NFIA: variants seen among roughly 807,000 people sequenced by gnomAD.
The protein encoded by NFIA is nuclear factor 1 A-type.
In NFIA, 8 loss-of-function variants were observed where a neutral mutation model predicts 62.8. The observed-to-expected ratio is 0.13, with a 90% CI of 0.07 to 0.23. The LOEUF (loss-of-function observed/expected upper bound fraction) is 0.23, where lower values mean the gene tolerates loss of function less well. NFIA is among the 10% of genes least tolerant of loss of function. NFIA has a pLI of 1.00. For synonymous variants in NFIA, 235 were observed against 238.1 expected, an observed-to-expected ratio of 0.99 and a Z score of 0.12; for missense variants, 410 against 642.1, an observed-to-expected ratio of 0.64 and a Z score of 3.91.
At chr1:61,171,451 AT>A (rs1274364405) in intron 2 of NFIA, among the ~76,000 whole-genome samples, 1 of 152,164 alleles carries the variant, frequency 6.6e-6, no homozygotes, top group Admixed American at 6.5e-5. Context: ...ATGTGGTGAC[AT>A]TTTTTTCTCT....
intron 10 of NFIA, among the ~76,000 whole-genome samples, chr1:61,430,110 G>A (rs913603978): frequency 3.9e-5 from 6 of 152,136 alleles, no homozygotes; most frequent in Non-Finnish European, 5.9e-5. Flanking sequence ...TTTTTAAAAC[G>A]TGATCATTAA....
Position 61,332,701 on chromosome 1 carries a change from T to C in NFIA, c.700+115T>C, listed in dbSNP as rs1372566964. The C allele has an allele frequency of 5.4e-6, 4 of 736,000 alleles. No individual in the cohort carries two copies. In the African/African-American group the frequency reaches 5.4e-5, roughly 10 times the overall value. The allele number at this position is 736,000 out of a possible 1,614,324, so 45.6% of individuals were successfully genotyped here. A position where few individuals can be genotyped will look rare whatever the true frequency, so the allele number is the denominator to read the frequency against. On this transcript the variant is annotated intron_variant, in intron 4 of 10. Coordinates refer to ENST00000403491, the MANE Select transcript of NFIA (RefSeq NM_001134673.4). Reference sequence around the variant, plus strand: ...TCAGAATCTCCTTTTCATTCACCCATTGGAAGAATTTTGACACACAGTTTG... The same window carrying C: ...TCAGAATCTCCTTTTCATTCACCCACTGGAAGAATTTTGACACACAGTTTG...
At chr1:61,436,017 G>C (rs1667311930) in intron 10 of NFIA, among the ~76,000 whole-genome samples, 1 of 152,112 alleles carries the variant, frequency 6.6e-6, no homozygotes, top group Non-Finnish European at 1.5e-5. Flanking sequence ...TCTGTTTGAG[G>C]TCCAGGATTT....
rs146599542 is a variant in NFIA, at chr1:61,096,212, T to G, written c.559+7532T>G. Reference sequence around the variant, plus strand: ...AAATTAGTGAATTAGTGAGCTTTTTTTTGTTGTTGTTGTTGTTTGAGACGG... The same window carrying G: ...AAATTAGTGAATTAGTGAGCTTTTTGTTGTTGTTGTTGTTGTTTGAGACGG... On this transcript the variant is annotated intron_variant, in intron 2 of 10. Coordinates refer to ENST00000403491, the MANE Select transcript of NFIA (RefSeq NM_001134673.4). Among the ~76,000 whole-genome samples the G allele has an allele frequency of 1.0e-3, 153 of 152,226 alleles. 2 individuals carry two copies. Among genetic ancestry groups the G allele is most frequent in the East Asian group, 3.9e-3 (20 of 5,186 alleles).
chr1:61,448,349 A>G (rs950302711), intron 10 of NFIA, among the ~76,000 whole-genome samples: 7 of 152,112 alleles, frequency 4.6e-5, no homozygotes, highest in Non-Finnish European at 8.8e-5. Context: ...GGGGAAATGG[A>G]ATTGACGCAG....
intron 3 of NFIA, among the ~76,000 whole-genome samples, chr1:61,310,867 CT>C (rs938744649): frequency 2.8e-4 from 42 of 151,178 alleles, no homozygotes; most frequent in African/African-American, 1.0e-3. Flanking sequence ...TTTGTTGCCC[CT>C]GGCACACATG....
chr1:61,395,492 G>T (rs1665223065), intron 7 of NFIA, among the ~76,000 whole-genome samples: 1 of 152,008 alleles, frequency 6.6e-6, no homozygotes, highest in Non-Finnish European at 1.5e-5. Flanking sequence ...CCAATCTATG[G>T]TGGTTAGTTT....
intron 4 of NFIA, among the ~76,000 whole-genome samples, chr1:61,350,004 A>G (rs1183848515): frequency 1.3e-5 from 2 of 152,102 alleles, no homozygotes; most frequent in Non-Finnish European, 2.9e-5. Flanking sequence ...TAAATGCCCC[A>G]GTGGACTCTC....
Position 61,462,750 on chromosome 1 carries a change from A to G in NFIA, c.*7430A>G, listed in dbSNP as rs1442190468. On this transcript the variant is annotated 3_prime_UTR_variant, in exon 11 of 11. Coordinates refer to ENST00000403491, the MANE Select transcript of NFIA (RefSeq NM_001134673.4). ...ACTGGAAGCAAGTACTGCATTTCCT[A>G]TGCAACAAAAAAGGAAAAATAAAAA... 2.0e-5 allele frequency: 3 copies of G among 152,230 alleles called. No individual in the cohort carries two copies. Among genetic ancestry groups the G allele is most frequent in the East Asian group, 1.9e-4 (1 of 5,200 alleles). 9.4% of individuals were successfully genotyped at this position (152,230 alleles called of 1,614,324 possible).
At chr1:61,205,123 T>G (rs958907396) in intron 2 of NFIA, among the ~76,000 whole-genome samples, 6 of 152,182 alleles carry the variant, frequency 3.9e-5, no homozygotes, top group Non-Finnish European at 7.4e-5. Context: ...CTATCTCCAT[T>G]TTACAAATGA....
chr1:61,396,155 A>T (rs1043792300), intron 7 of NFIA, among the ~76,000 whole-genome samples: 3 of 152,210 alleles, frequency 2.0e-5, no homozygotes, highest in Admixed American at 6.5e-5. Flanking sequence ...AACTAAGTTA[A>T]AACCCAAGTC....
intron 1 of NFIA, among the ~76,000 whole-genome samples, chr1:61,083,562 G>A (rs1001432899): frequency 1.3e-5 from 2 of 151,782 alleles, no homozygotes; most frequent in Admixed American, 1.3e-4. Flanking sequence ...CGCGCCGGCC[G>A]GGTGGAGCCT....
At chr1:61,215,524 G>C (rs769598812) in intron 2 of NFIA, among the ~76,000 whole-genome samples, 14 of 151,958 alleles carry the variant, frequency 9.2e-5, no homozygotes, top group Non-Finnish European at 1.9e-4. Flanking sequence ...TAAAAATTCA[G>C]TTCCTTCTGT....
At chr1:61,157,287 T>C (rs180811908) in intron 2 of NFIA, among the ~76,000 whole-genome samples, 76 of 152,320 alleles carry the variant, frequency 5.0e-4, no homozygotes, top group Non-Finnish European at 8.8e-4. Flanking sequence ...ATTCATAAGT[T>C]CCTTCACTTT....
At chr1:61,185,274 C>T (rs1353722080) in intron 2 of NFIA, among the ~76,000 whole-genome samples, 1 of 152,126 alleles carries the variant, frequency 6.6e-6, no homozygotes, top group East Asian at 1.9e-4. Flanking sequence ...TAGTAGTCTT[C>T]TGAGCCCTAA....
Position 61,406,788 on chromosome 1 carries a change from C to T in NFIA, c.1420+61C>T, listed in dbSNP as rs567023991. 661 of 1,478,738 alleles carry T rather than the reference C, an allele frequency of 4.5e-4. 1 individual carries two copies. The highest frequency in any genetic ancestry group is 5.8e-4 in the Non-Finnish European group (642 of 1,102,864). The allele number at this position is 1,478,738 out of a possible 1,614,324, so 91.6% of individuals were successfully genotyped here. ...AAAGCTGTATGCACTGGAATCCACACTTAGGCTTTGTCCCTCACTGTATAG... is the reference window on the plus strand; with the variant it reads ...AAAGCTGTATGCACTGGAATCCACATTTAGGCTTTGTCCCTCACTGTATAG... On this transcript the variant is annotated intron_variant, in intron 9 of 10. Coordinates refer to ENST00000403491, the MANE Select transcript of NFIA (RefSeq NM_001134673.4).
At chr1:61,444,373 C>T (rs927958960) in intron 10 of NFIA, among the ~76,000 whole-genome samples, 4 of 152,190 alleles carry the variant, frequency 2.6e-5, no homozygotes, top group Admixed American at 2.0e-4. Context: ...CTTGGTGCTG[C>T]GTAGCCTCTG....
intron 3 of NFIA, among the ~76,000 whole-genome samples, chr1:61,318,720 A>G (rs908896712): frequency 1.3e-5 from 2 of 152,188 alleles, no homozygotes; most frequent in African/African-American, 4.8e-5. Context: ...GAGTTGCTAT[A>G]GAAGGATGGA....
intron 4 of NFIA, among the ~76,000 whole-genome samples, chr1:61,336,613 A>G (rs898263423): frequency 6.6e-6 from 1 of 152,134 alleles, no homozygotes; most frequent in Non-Finnish European, 1.5e-5. Context: ...AGCTACTATT[A>G]TGGTATCATA....
Sources: gnomAD v4.1 joint callset for allele counts (sites outside exome capture counted in the v4.1 genomes callset) on GRCh38, gnomAD v4.1.1 for gene constraint, MANE v1.5 for transcripts, NCBI Gene and HGNC (gene_info 2026-07-23, HGNC 2026-07-21) for gene names.